METTL24: variants seen among roughly 807,000 people sequenced by gnomAD.
METTL24 encodes probable methyltransferase-like protein 24.
A neutral mutation model predicts 32.7 loss-of-function variants in METTL24; 29 were observed. The observed-to-expected ratio is 0.89, with a 90% CI of 0.66 to 1.21. The LOEUF is 1.21. Among genes scored for constraint, METTL24 ranks in the 50% most tolerant of loss-of-function variants. METTL24 has a pLI of 0.00. For synonymous variants in METTL24, 163 were observed against 179.5 expected (o/e 0.91, Z 0.73); for missense variants, 439 against 468.1 (o/e 0.94, Z 0.57).
intron 1 of METTL24, among the ~76,000 whole-genome samples, chr6:110,336,755 A>C (rs1772243392): frequency 6.6e-6 from 1 of 150,636 alleles, no homozygotes. Context: ...AAAAAAAAAA[A>C]ACAAAAAGAT....
chr6:110,261,109 A>C (rs4612198), intron 4 of METTL24, among the ~76,000 whole-genome samples: 9,301 of 152,184 alleles, frequency 0.061, 367 homozygotes, highest in South Asian at 0.16. Context: ...CAAATTCACA[A>C]ATAACAATAT....
At chr6:110,349,424 C>T (rs948032694) in intron 1 of METTL24, among the ~76,000 whole-genome samples, 1 of 152,198 alleles carries the variant, frequency 6.6e-6, no homozygotes, top group Non-Finnish European at 1.5e-5. Context: ...AGTGACAGCA[C>T]AGAGCAGCAC....
In METTL24 at chr6:110,244,853, T is replaced by C. The variant is rs576642077; in HGVS notation, c.*1093A>G. 7.2e-5 allele frequency among the ~76,000 whole-genome samples: 11 copies of C among 152,232 alleles called. No homozygotes were observed. The highest frequency in any genetic ancestry group is 1.2e-4 in the Non-Finnish European group (8 of 68,014). ...AACCATATTACTCATGGACTTATAA[T>C]GAAGTAATCATTAAAGGCCTTACTT... On this transcript the variant is annotated 3_prime_UTR_variant, in exon 5 of 5. Transcript: ENST00000338882.
intron 4 of METTL24, among the ~76,000 whole-genome samples, chr6:110,270,800 A>G (rs1770943562): frequency 6.6e-6 from 1 of 150,668 alleles, no homozygotes; most frequent in Non-Finnish European, 1.5e-5. Context: ...CTTGTCTTAC[A>G]TTACATGAGG....
intron 4 of METTL24, among the ~76,000 whole-genome samples, chr6:110,277,432 C>G (rs1313218222): frequency 1.3e-5 from 2 of 152,240 alleles, no homozygotes; most frequent in East Asian, 3.9e-4. Flanking sequence ...AGTAGCAACT[C>G]TAAACTTCAT....
chr6:110,358,281 A>G lies in METTL24; in HGVS notation c.-9T>C. 1.4e-6 allele frequency: 2 copies of G among 1,450,446 alleles called. No homozygotes were observed. Among genetic ancestry groups the G allele is most frequent in the Non-Finnish European group, 9.0e-7 (1 of 1,108,854 alleles). The allele number at this position is 1,450,446 out of a possible 1,614,324, so 89.8% of individuals were successfully genotyped here. On this transcript the variant is annotated 5_prime_UTR_variant, in exon 1 of 5. Transcript: ENST00000338882. ...GGCCTCTCCCGGGCCATGGCGCTAC[A>G]CTCGGGGTCCCGCGGGCCGCGCCTG...
At chr6:110,261,207 T>C (rs1770718361) in intron 4 of METTL24, among the ~76,000 whole-genome samples, 1 of 152,206 alleles carries the variant, frequency 6.6e-6, no homozygotes, top group Admixed American at 6.5e-5. Flanking sequence ...ATCAGTGTGC[T>C]GTATTCAGGA....
chr6:110,353,411 CA>C (rs11307091), intron 1 of METTL24, among the ~76,000 whole-genome samples: 42,204 of 152,106 alleles, frequency 0.28, 6,382 homozygotes, highest in Non-Finnish European at 0.33. Context: ...TTGGACATAT[CA>C]GGGGGCATCC....
At chr6:110,277,542 C>A (rs1771068577) in intron 4 of METTL24, among the ~76,000 whole-genome samples, 1 of 152,084 alleles carries the variant, frequency 6.6e-6, no homozygotes, top group South Asian at 2.1e-4. Context: ...AATTGCTACC[C>A]CATATTAAAT....
At chr6:110,340,401 C>T (rs1024591649) in intron 1 of METTL24, among the ~76,000 whole-genome samples, 1 of 152,176 alleles carries the variant, frequency 6.6e-6, no homozygotes, top group African/African-American at 2.4e-5. Flanking sequence ...ACTGAACTCT[C>T]TACCCCAAGT....
chr6:110,308,885 T>C (rs1376951775), intron 3 of METTL24, among the ~76,000 whole-genome samples: 2 of 152,146 alleles, frequency 1.3e-5, no homozygotes, highest in South Asian at 2.1e-4. Flanking sequence ...TTATGTGAAA[T>C]GTCCAGAATG....
chr6:110,305,074 A>C (rs148785472), intron 3 of METTL24, among the ~76,000 whole-genome samples: 2,598 of 152,302 alleles, frequency 0.017, 42 homozygotes, highest in Middle Eastern at 0.051. Flanking sequence ...TCATAAGTGA[A>C]GGAGAATAAA....
chr6:110,292,751 A>G (rs553148122), intron 4 of METTL24, among the ~76,000 whole-genome samples: 23 of 151,824 alleles, frequency 1.5e-4, no homozygotes, highest in African/African-American at 5.3e-4. Flanking sequence ...TAATATTTTT[A>G]TGGTCTTTAA....
At chr6:110,251,745 C>T (rs771716518) in intron 4 of METTL24, among the ~76,000 whole-genome samples, 20 of 152,088 alleles carry the variant, frequency 1.3e-4, no homozygotes, top group Non-Finnish European at 2.8e-4. Context: ...GGGGAGTAAA[C>T]GGGCAAACTC....
At position 110,246,249 on chromosome 6, in the gene METTL24, G is replaced by A. The variant is rs1584097549; in HGVS notation, c.798C>T (p.Leu266=). ...NEFGHHKIDV[L]KADLESAEWK... ...ATTCTGCACTTTCCAGATCTGCCTT[G>A]AGAACGTCAATCTGTAACAAAGCAA... Residue 266 remains leucine (L), a synonymous_variant, in exon 5 of 5, where the codon CTC becomes CTT. Transcript: ENST00000338882. The A allele has an allele frequency of 2.5e-6, 4 of 1,606,804 alleles. No homozygotes were observed. The highest frequency in any genetic ancestry group is 2.6e-6 in the Non-Finnish European group (3 of 1,175,824).
intron 4 of METTL24, among the ~76,000 whole-genome samples, chr6:110,271,464 G>T (rs1169892549): frequency 6.6e-6 from 1 of 151,882 alleles, no homozygotes; most frequent in Non-Finnish European, 1.5e-5. Context: ...ACCACACCTG[G>T]CTAATTAAGA....
intron 3 of METTL24, among the ~76,000 whole-genome samples, chr6:110,300,744 C>T (rs750517096): frequency 6.6e-6 from 1 of 151,852 alleles, no homozygotes; most frequent in Non-Finnish European, 1.5e-5. Context: ...TACAGGCAGC[C>T]CTCTGTATCC....
At chr6:110,262,511 G>A (rs1277252407) in intron 4 of METTL24, among the ~76,000 whole-genome samples, 1 of 152,102 alleles carries the variant, frequency 6.6e-6, no homozygotes, top group African/African-American at 2.4e-5. Flanking sequence ...AGGACCAGAT[G>A]GATTCACAGC....
At position 110,358,137 on chromosome 6, in the gene METTL24, G is replaced by A. The variant is rs1772737554; in HGVS notation, c.136C>T (p.Pro46Ser). ...GGTGGCCGCCAGGCCGGGCCCGGCG[G>A]GGCGCTGCGGGTGGGGGACCCGGGC... is the stretch of plus-strand genomic sequence containing the variant. ...AGPGSPTRSA[P>S]PGPAWRPPGP... Residue 46 changes from proline to serine, a missense_variant, in exon 1 of 5, where the codon CCG (proline) becomes TCG (serine). Transcript: ENST00000338882. 6 of 1,138,804 alleles carry A rather than the reference G, an allele frequency of 5.3e-6. No individual in the cohort carries two copies. In the South Asian group the frequency reaches 1.7e-4, roughly 31 times the overall value. 70.5% of individuals were successfully genotyped at this position (1,138,804 alleles called of 1,614,324 possible).
Sources: gnomAD v4.1 joint callset for allele counts (sites outside exome capture counted in the v4.1 genomes callset) on GRCh38, gnomAD v4.1.1 for gene constraint, MANE v1.5 for transcripts, NCBI Gene and HGNC (gene_info 2026-07-23, HGNC 2026-07-21) for gene names.